Variants in FREM2 observed in about 807,000 individuals in gnomAD.
FREM2 encodes FRAS1-related extracellular matrix protein 2.
FREM2 carries 119 observed loss-of-function variants against 219.9 expected under a neutral mutation model. The ratio of observed to expected loss-of-function variants is 0.54; its 90% CI spans 0.47 to 0.63. The LOEUF is 0.63. FREM2 is among the 30% of genes least tolerant of loss of function. FREM2 has a pLI of 0.00. For missense variants in FREM2, 4,030 were observed against 3,993.6 expected (o/e 1.01, Z -0.25); for synonymous variants, 1,562 against 1,522.8 (o/e 1.03, Z -0.60).
intron 16 of FREM2, among the ~76,000 whole-genome samples, chr13:38,866,423 G>A (rs1471683238): frequency 8.6e-5 from 13 of 151,972 alleles, no homozygotes; most frequent in Admixed American, 5.2e-4. Flanking sequence ...ACTTGAACCC[G>A]GGAGGCAGAG....
At chr13:38,767,910 A>C (rs1378610476) in intron 3 of FREM2, among the ~76,000 whole-genome samples, 1 of 152,216 alleles carries the variant, frequency 6.6e-6, no homozygotes, top group African/African-American at 2.4e-5. Flanking sequence ...AGACAGAAAT[A>C]TTTTTAATAA....
At chr13:38,812,045 A>G (rs959480305) in intron 6 of FREM2, among the ~76,000 whole-genome samples, 2 of 152,166 alleles carry the variant, frequency 1.3e-5, no homozygotes, top group African/African-American at 2.4e-5. Context: ...TCAGTATACA[A>G]TGACCTTCTT....
rs184252474 is a variant in FREM2, at chr13:38,862,511, G to T, written c.7651+949G>T. ...AGTGGTCTCTTCTGCCACTCCTAGGGCTTGGCTTTGCGTTTTCTGAATGCA... is the reference window on the plus strand; with the variant it reads ...AGTGGTCTCTTCTGCCACTCCTAGGTCTTGGCTTTGCGTTTTCTGAATGCA... On this transcript the variant is annotated intron_variant, in intron 15 of 23. Transcript: ENST00000280481. Among the ~76,000 whole-genome samples the T allele has an allele frequency of 2.0e-5, 3 of 152,250 alleles. No homozygotes were observed. The East Asian group carries it at 5.8e-4, about 29-fold the overall frequency.
At chr13:38,788,009 G>A (rs78947120) in intron 6 of FREM2, among the ~76,000 whole-genome samples, 1 of 152,038 alleles carries the variant, frequency 6.6e-6, no homozygotes, top group African/African-American at 2.4e-5. Context: ...ATCTAAAGAA[G>A]AAAGAAAAGG....
At chr13:38,868,033 A>G (rs1244067643) in intron 16 of FREM2, among the ~76,000 whole-genome samples, 1 of 152,188 alleles carries the variant, frequency 6.6e-6, no homozygotes, top group African/African-American at 2.4e-5. Flanking sequence ...TAACCATCAT[A>G]GATGGCGGTC....
Position 38,687,758 on chromosome 13 carries a change from C to T in FREM2, c.414C>T (p.Tyr138=), listed in dbSNP as rs769016740. 1 of 1,544,562 alleles carries T rather than the reference C, an allele frequency of 6.5e-7. No homozygotes were observed. Among genetic ancestry groups the T allele is most frequent in the Non-Finnish European group, 8.7e-7 (1 of 1,142,912 alleles). The change falls in exon 1 of 24, where the codon TAC becomes TAT. Residue 138 remains tyrosine, a synonymous_variant. Coordinates refer to ENST00000280481, the MANE Select transcript of FREM2 (RefSeq NM_207361.6). ...ACTTTGGCCCTGGCGAGGTGCGCTA[C>T]TCTCACCTGGGCGCGCGCAGCCCGT... is the stretch of plus-strand genomic sequence containing the variant. ...PCDFGPGEVR[Y]SHLGARSPSR...
intron 2 of FREM2, among the ~76,000 whole-genome samples, chr13:38,736,930 G>A (rs2137774761): frequency 6.6e-6 from 1 of 151,680 alleles, no homozygotes; most frequent in South Asian, 2.1e-4. Context: ...ACTTTGAGTG[G>A]CCTTGCATTT....
intron 16 of FREM2, among the ~76,000 whole-genome samples, chr13:38,870,814 TAGTA>T (rs1878131943): frequency 1.3e-5 from 2 of 152,214 alleles, no homozygotes; most frequent in African/African-American, 4.8e-5. Flanking sequence ...AAGTGAGTAT[TAGTA>T]ATTCCCTCCA....
chr13:38,872,977 A>G (rs773921513), intron 17 of FREM2, 43 bp downstream of exon 17: 201 of 1,565,250 alleles, frequency 1.3e-4, no homozygotes, highest in Non-Finnish European at 1.7e-4. Context: ...TTTGTAACCT[A>G]TTTAAACTAT....
intron 2 of FREM2, among the ~76,000 whole-genome samples, chr13:38,713,585 G>A (rs562297788): frequency 5.3e-5 from 8 of 152,134 alleles, no homozygotes; most frequent in East Asian, 1.9e-4. Context: ...TTAACTGATC[G>A]CTCCATTTTT....
intron 3 of FREM2, among the ~76,000 whole-genome samples, chr13:38,769,372 A>G (rs181471287): frequency 6.6e-6 from 1 of 152,314 alleles, no homozygotes; most frequent in East Asian, 1.9e-4. Flanking sequence ...TAATTGAGGC[A>G]AAAGCAGAAC....
chr13:38,850,162 G>A lies in FREM2; in HGVS notation c.6504G>A (p.Gln2168=). ...YRSSVRCYTR[Q]GSAQVMMDFE... is the part of the protein sequence containing the mutation. ...CTTCAGTGAGATGCTACACCCGGCA[G>A]GGGTCTGCACAGGTGATGATGGACT... The change falls in exon 9 of 24, where the codon CAG becomes CAA. Residue 2168 remains glutamine, a synonymous_variant. Coordinates refer to ENST00000280481, the MANE Select transcript of FREM2 (RefSeq NM_207361.6). 6.2e-7 allele frequency: 1 copy of A among 1,614,082 alleles called. No homozygotes were observed. The highest frequency in any genetic ancestry group is 8.5e-7 in the Non-Finnish European group (1 of 1,179,950).
At chr13:38,695,738 A>C (rs1341897630) in intron 1 of FREM2, among the ~76,000 whole-genome samples, 1 of 152,200 alleles carries the variant, frequency 6.6e-6, no homozygotes, top group African/African-American at 2.4e-5. Flanking sequence ...TTATAACAGT[A>C]AACAGGCAAA....
At chr13:38,718,653 T>G (rs1211788608) in intron 2 of FREM2, among the ~76,000 whole-genome samples, 1 of 148,608 alleles carries the variant, frequency 6.7e-6, no homozygotes, top group East Asian at 2.0e-4. Flanking sequence ...TCTCTTTTTC[T>G]TTCACTACAA....
chr13:38,713,111 A>T (rs117004056), intron 2 of FREM2, among the ~76,000 whole-genome samples: 36 of 152,132 alleles, frequency 2.4e-4, no homozygotes, highest in African/African-American at 8.5e-4. Context: ...TGAGTTACTG[A>T]ATTATTATTC....
intron 6 of FREM2, among the ~76,000 whole-genome samples, chr13:38,824,271 A>G (rs995351532): frequency 3.3e-5 from 5 of 152,092 alleles, no homozygotes; most frequent in African/African-American, 7.2e-5. Flanking sequence ...AAGGAGAGGC[A>G]TGATATGCTT....
chr13:38,821,808 T>A (rs1876068108), intron 6 of FREM2: 1 of 152,102 alleles, frequency 6.6e-6, no homozygotes, highest in Non-Finnish European at 1.5e-5. Context: ...TATAGAGAAC[T>A]TCGAGACGGA....
chr13:38,780,845 C>T (rs946762970), intron 4 of FREM2, among the ~76,000 whole-genome samples: 9 of 152,164 alleles, frequency 5.9e-5, no homozygotes, highest in Non-Finnish European at 1.2e-4. Context: ...ACTAGAGCTT[C>T]CCCATGCCAA....
At chr13:38,753,955 C>A (rs1211979161) in intron 2 of FREM2, among the ~76,000 whole-genome samples, 1 of 126,062 alleles carries the variant, frequency 7.9e-6, no homozygotes, top group East Asian at 2.6e-4. Flanking sequence ...TTAACACATT[C>A]TTTTTATTTT....
Sources: allele counts gnomAD v4.1 joint callset (sites outside exome capture counted in the v4.1 genomes callset), GRCh38; gene constraint gnomAD v4.1.1; transcripts MANE v1.5; gene names NCBI Gene and HGNC (gene_info 2026-07-23, HGNC 2026-07-21).